TRMT1L: variants seen among roughly 807,000 people sequenced by gnomAD.
The protein encoded by TRMT1L is tRNA (guanine(27)-N(2))-dimethyltransferase.
In TRMT1L, 28 loss-of-function variants were observed where a neutral mutation model predicts 81.6. The observed-to-expected ratio is 0.34, with a 90% CI of 0.25 to 0.47. The LOEUF (loss-of-function observed/expected upper bound fraction) is 0.47. TRMT1L is among the 20% of genes least tolerant of loss of function. The pLI, the probability that TRMT1L is intolerant of heterozygous loss-of-function variation, is 1.00. For synonymous variants in TRMT1L, 301 were observed against 303.2 expected (o/e 0.99, Z 0.07); for missense variants, 739 against 877.1 (o/e 0.84, Z 1.99).
At chr1:185,122,036 G>T (rs1485237036) in intron 13 of TRMT1L, among the ~76,000 whole-genome samples, 1 of 152,040 alleles carries the variant, frequency 6.6e-6, no homozygotes, top group Non-Finnish European at 1.5e-5. Flanking sequence ...TAGAACATGG[G>T]GCTTTGGTTT....
chr1:185,156,349 T>A lies in TRMT1L; in HGVS notation c.235+129A>T, dbSNP rs1571363963. ...TTTAGCCGCTACACGGGCCCCTCTT[T>A]CCTCCCCACCATTTTCCTAAACCTG... On this transcript the variant is annotated intron_variant, in intron 1 of 14. Transcript: ENST00000367506. 3 of 1,601,870 alleles carry A rather than the reference T, an allele frequency of 1.9e-6. No individual in the cohort carries two copies. In the South Asian group the frequency reaches 3.4e-5, roughly 18 times the overall value.
Position 185,125,062 on chromosome 1 carries a change from T to G in TRMT1L, c.1641A>C (p.Glu547Asp). Residue 547 changes from glutamate to aspartate, a missense_variant, in exon 12 of 15, where the codon GAA (glutamate) becomes GAC (aspartate). Coordinates refer to ENST00000367506, the MANE Select transcript of TRMT1L (RefSeq NM_030934.5). Reference sequence around the variant, plus strand: ...TGTCATCCAAACCATGGTGAAGAGATTCAAATAGCATTCTTTTGAGGAATC... The same window carrying G: ...TGTCATCCAAACCATGGTGAAGAGAGTCAAATAGCATTCTTTTGAGGAATC... ...NTGFLKRMLF[E>D]SLHHGLDDIQ... The G allele has an allele frequency of 6.2e-7, 1 of 1,612,464 alleles. No individual in the cohort carries two copies. Among genetic ancestry groups the G allele is most frequent in the South Asian group, 1.1e-5 (1 of 90,848 alleles).
intron 12 of TRMT1L, among the ~76,000 whole-genome samples, chr1:185,124,403 T>TA (rs1173689648): frequency 6.0e-5 from 9 of 150,668 alleles, no homozygotes; most frequent in Non-Finnish European, 1.0e-4. Flanking sequence ...AGGTTATCTT[T>TA]AAAAAAAAAT....
At chr1:185,153,910 G>A (rs1012777290) in intron 1 of TRMT1L, among the ~76,000 whole-genome samples, 1 of 152,080 alleles carries the variant, frequency 6.6e-6, no homozygotes, top group Non-Finnish European at 1.5e-5. Flanking sequence ...ACTCCTCTCC[G>A]AGCTTCACTA....
At chr1:185,150,574 G>C in intron 2 of TRMT1L, 82 bp from the exon 3 acceptor site, 1 of 922,388 alleles carries the variant, frequency 1.1e-6, no homozygotes, top group African/African-American at 1.7e-5. Context: ...GGTTAATGGG[G>C]GCTCCCCCTC....
At chr1:185,152,867 T>C (rs1653401887) in intron 1 of TRMT1L, among the ~76,000 whole-genome samples, 1 of 152,210 alleles carries the variant, frequency 6.6e-6, no homozygotes. Flanking sequence ...GTACTACTGG[T>C]ACAGTATTCC....
intron 4 of TRMT1L, 89 bp from the exon 5 acceptor site, chr1:185,145,657 G>C (rs1653169205): frequency 7.8e-7 from 1 of 1,281,572 alleles, no homozygotes; most frequent in Non-Finnish European, 1.1e-6. Context: ...TAGTGTCTTG[G>C]ATTTAATGGT....
At chr1:185,146,955 A>ATTTT (rs1261436412) in intron 4 of TRMT1L, among the ~76,000 whole-genome samples, 1 of 152,086 alleles carries the variant, frequency 6.6e-6, no homozygotes, top group Non-Finnish European at 1.5e-5. Context: ...CAAAGGAGCA[A>ATTTT]TTTATCTGAC....
intron 1 of TRMT1L, among the ~76,000 whole-genome samples, chr1:185,152,655 TAGA>T (rs1397568676): frequency 2.6e-5 from 4 of 152,040 alleles, no homozygotes; most frequent in South Asian, 2.1e-4. Context: ...AGGGACAGAA[TAGA>T]AGGTTAAAAA....
intron 7 of TRMT1L, among the ~76,000 whole-genome samples, chr1:185,140,979 A>C (rs1163304731): frequency 1.3e-5 from 2 of 151,746 alleles, no homozygotes; most frequent in Non-Finnish European, 2.9e-5. Flanking sequence ...CAAAAAAAAA[A>C]AAAAAACAAC....
intron 2 of TRMT1L, 73 bp from the exon 3 acceptor site, chr1:185,150,565 G>A: frequency 9.9e-7 from 1 of 1,012,212 alleles, no homozygotes; most frequent in Admixed American, 2.1e-5. Flanking sequence ...CTACAAAGAG[G>A]TTAATGGGGG....
At chr1:185,156,954 G>A (rs1347129445), upstream of TRMT1L, 2 of 577,630 alleles carry the variant, frequency 3.5e-6, no homozygotes, top group East Asian at 3.3e-5. Flanking sequence ...GAGGCGTTAC[G>A]ACGCCACCAC....
Position 185,156,794 on chromosome 1 carries a change from C to T in TRMT1L, c.-82G>A. 2 of 1,575,106 alleles carry T rather than the reference C, an allele frequency of 1.3e-6. No individual in the cohort carries two copies. Among genetic ancestry groups the T allele is most frequent in the South Asian group, 1.2e-5 (1 of 86,700 alleles). ...GTCAGAGAACTGACGTGAATGCCCA[C>T]AGGGCTGGATCCAAGGAGTGGGGAA... On this transcript the variant is annotated 5_prime_UTR_variant, in exon 1 of 15. It adds an upstream start codon to the 5' untranslated region. Coordinates refer to ENST00000367506, the MANE Select transcript of TRMT1L (RefSeq NM_030934.5).
chr1:185,140,493 G>A (rs1653009496), intron 7 of TRMT1L, among the ~76,000 whole-genome samples: 1 of 151,890 alleles, frequency 6.6e-6, no homozygotes, highest in Non-Finnish European at 1.5e-5. Flanking sequence ...TTGAATAGTG[G>A]AAAATGTTTT....
intron 11 of TRMT1L, among the ~76,000 whole-genome samples, 200 bp from the exon 12 acceptor site, chr1:185,125,310 G>A (rs183664981): frequency 6.6e-5 from 10 of 151,712 alleles, no homozygotes; most frequent in East Asian, 1.9e-4. Context: ...ATAGAGTCCC[G>A]TCCTGTTGCC....
chr1:185,131,621 T>G (rs549176379), intron 10 of TRMT1L, among the ~76,000 whole-genome samples: 2 of 151,196 alleles, frequency 1.3e-5, no homozygotes, highest in Non-Finnish European at 2.9e-5. Flanking sequence ...TGAAAAAATA[T>G]GAAATAACTC....
chr1:185,128,470 A>C (rs1652690041), intron 11 of TRMT1L, among the ~76,000 whole-genome samples, 199 bp downstream of exon 11: 1 of 152,234 alleles, frequency 6.6e-6, no homozygotes. Context: ...GTTCTGTCAC[A>C]AACTAGAGAG....
At chr1:185,149,034 G>A (rs2102256301) in intron 3 of TRMT1L, among the ~76,000 whole-genome samples, 1 of 152,210 alleles carries the variant, frequency 6.6e-6, no homozygotes, top group African/African-American at 2.4e-5. Flanking sequence ...TCTTTTGAGG[G>A]TGGGACTTTT....
chr1:185,122,448 G>A (rs1363963582), intron 13 of TRMT1L, among the ~76,000 whole-genome samples: 1 of 152,036 alleles, frequency 6.6e-6, no homozygotes, highest in Admixed American at 6.6e-5. Flanking sequence ...TTGAGATGGA[G>A]TTTGGCTGTG....
Sources: allele counts gnomAD v4.1 joint callset (sites outside exome capture counted in the v4.1 genomes callset), GRCh38; gene constraint gnomAD v4.1.1; transcripts MANE v1.5; gene names NCBI Gene and HGNC (gene_info 2026-07-23, HGNC 2026-07-21).